Variants in TRPC5 observed in about 807,000 individuals in gnomAD.
TRPC5 encodes short transient receptor potential channel 5.
In TRPC5, 9 loss-of-function variants were observed where a neutral mutation model predicts 56.5. The ratio of observed to expected loss-of-function variants is 0.16; its 90% CI spans 0.10 to 0.28. TRPC5 has a LOEUF of 0.28. Among genes scored for constraint, TRPC5 ranks in the 10% least tolerant of loss-of-function variants. TRPC5 has a pLI of 1.00. For missense variants in TRPC5, 469 were observed against 748.9 expected, an observed-to-expected ratio of 0.63 and a Z score of 4.36; for synonymous variants, 282 against 278.5, an observed-to-expected ratio of 1.01 and a Z score of -0.13.
chrX:111,998,635 G>T (rs1260374500), intron 1 of TRPC5, among the ~76,000 whole-genome samples: 1 of 111,746 alleles, frequency 8.9e-6, no homozygotes, highest in Non-Finnish European at 1.9e-5. Flanking sequence ...AACTGCATGG[G>T]TCCACTTATA....
rs775677231 is a variant in TRPC5 at position 112,066,671 on chromosome X, T to A, written c.-22+15208A>T. 1.3e-4 allele frequency among the ~76,000 whole-genome samples: 15 copies of A among 112,725 alleles called. No individual in the cohort carries two copies. In the South Asian group the frequency reaches 5.2e-3, roughly 39 times the overall value. ...GTTTTCCTCATCTGTAAAATGGGAATTATTATAGTCTTTATCTCAGAGGGC... is the reference window on the plus strand; with the variant it reads ...GTTTTCCTCATCTGTAAAATGGGAAATATTATAGTCTTTATCTCAGAGGGC... On this transcript the variant is annotated intron_variant, in intron 1 of 10. Transcript: ENST00000262839.
intron 7 of TRPC5, among the ~76,000 whole-genome samples, chrX:111,828,110 T>G (rs375369446): frequency 8.9e-6 from 1 of 112,281 alleles, no homozygotes; most frequent in Non-Finnish European, 1.9e-5. Flanking sequence ...GCTCCCTTTC[T>G]TCTCCTGCAC....
intron 7 of TRPC5, among the ~76,000 whole-genome samples, chrX:111,795,299 T>G (rs777385479): frequency 9.0e-6 from 1 of 111,329 alleles, no homozygotes; most frequent in Non-Finnish European, 1.9e-5. Context: ...TATATCAGGT[T>G]GTGGAAGTTA....
chrX:112,037,618 A>T (rs1929781431), intron 1 of TRPC5, among the ~76,000 whole-genome samples: 1 of 111,501 alleles, frequency 9.0e-6, no homozygotes. Flanking sequence ...TCTTGTCTTA[A>T]TTCTGTTTCC....
At chrX:111,800,039 T>C (rs929427541) in intron 7 of TRPC5, among the ~76,000 whole-genome samples, 1 of 111,902 alleles carries the variant, frequency 8.9e-6, no homozygotes, top group African/African-American at 3.3e-5. Context: ...GCATGAAAAC[T>C]GAAGCAAATG....
chrX:112,048,076 TG>T (rs973740973), intron 1 of TRPC5, among the ~76,000 whole-genome samples: 30 of 111,696 alleles, frequency 2.7e-4, no homozygotes, highest in African/African-American at 7.8e-4. Context: ...CAATGCTGTT[TG>T]TAGTTGGGAA....
At chrX:111,941,306 G>C (rs1264989152) in intron 2 of TRPC5, among the ~76,000 whole-genome samples, 1 of 112,099 alleles carries the variant, frequency 8.9e-6, no homozygotes, top group Non-Finnish European at 1.9e-5. Context: ...TTTAACAGTA[G>C]GGAAAGACTT....
intron 7 of TRPC5, among the ~76,000 whole-genome samples, chrX:111,821,852 A>T (rs894736079): frequency 2.7e-5 from 3 of 111,438 alleles, no homozygotes; most frequent in Non-Finnish European, 3.8e-5. Flanking sequence ...GACCAATTTA[A>T]GTAGGAAGGC....
intron 3 of TRPC5, among the ~76,000 whole-genome samples, chrX:111,892,925 T>G (rs1924871833): frequency 8.9e-6 from 1 of 111,839 alleles, no homozygotes; most frequent in Non-Finnish European, 1.9e-5. Flanking sequence ...AGGTGCTAAT[T>G]ATATACCAGA....
chrX:111,882,344 G>A (rs1339060622), intron 3 of TRPC5, among the ~76,000 whole-genome samples: 1 of 112,316 alleles, frequency 8.9e-6, no homozygotes, highest in Non-Finnish European at 1.9e-5. Context: ...GTTGCAGTAT[G>A]GTAAGGTAGG....
chrX:111,969,410 A>G (rs111919237), intron 1 of TRPC5, among the ~76,000 whole-genome samples: 99 of 112,138 alleles, frequency 8.8e-4, no homozygotes, highest in African/African-American at 2.9e-3. Flanking sequence ...TTGTATAAAC[A>G]TTTGACCATC....
intron 3 of TRPC5, among the ~76,000 whole-genome samples, chrX:111,865,936 C>G (rs1233009985): frequency 8.9e-6 from 1 of 112,747 alleles, no homozygotes; most frequent in African/African-American, 3.2e-5. Flanking sequence ...TATAATGTGC[C>G]AGCAACTGTG....
chrX:112,066,970 A>G (rs1227279995), intron 1 of TRPC5, among the ~76,000 whole-genome samples: 1 of 112,015 alleles, frequency 8.9e-6, no homozygotes, highest in Non-Finnish European at 1.9e-5. Context: ...TTTCAGGGTA[A>G]TTATACAGCC....
At chrX:111,984,232 A>G (rs1603130588) in intron 1 of TRPC5, among the ~76,000 whole-genome samples, 1 of 111,683 alleles carries the variant, frequency 9.0e-6, no homozygotes, top group African/African-American at 3.2e-5. Context: ...AAAGGCACCA[A>G]ACAACCTCCG....
chrX:111,826,294 C>T (rs1167086575), intron 7 of TRPC5, among the ~76,000 whole-genome samples: 1 of 112,382 alleles, frequency 8.9e-6, no homozygotes, highest in African/African-American at 3.2e-5. Flanking sequence ...ATACAACTTA[C>T]AGCACCTAGC....
chrX:111,890,561 C>T (rs1274444896), intron 3 of TRPC5, among the ~76,000 whole-genome samples: 1 of 111,347 alleles, frequency 9.0e-6, no homozygotes, highest in African/African-American at 3.3e-5. Context: ...TCCTCCTGTA[C>T]ACCAAGAGAC....
At chrX:111,944,303 T>TGTGTGTGTGAAAGA (rs1173179815) in intron 2 of TRPC5, among the ~76,000 whole-genome samples, 3 of 61,393 alleles carry the variant, frequency 4.9e-5, no homozygotes, top group African/African-American at 3.2e-4. Flanking sequence ...TGTGTGTGTG[T>TGTGTGTGTGAAAGA]GAGAGAGAGA....
chrX:112,032,515 A>G (rs917091894), intron 1 of TRPC5, among the ~76,000 whole-genome samples: 1 of 112,496 alleles, frequency 8.9e-6, no homozygotes, highest in African/African-American at 3.2e-5. Context: ...TTATCCATAC[A>G]TAAATCCATT....
At chrX:111,890,800 A>G (rs867376202) in intron 3 of TRPC5, among the ~76,000 whole-genome samples, 2 of 111,700 alleles carry the variant, frequency 1.8e-5, no homozygotes. Flanking sequence ...TTTGTTTTAC[A>G]GATTATTTTA....
Sources: gnomAD v4.1 joint callset for allele counts (sites outside exome capture counted in the v4.1 genomes callset) on GRCh38, gnomAD v4.1.1 for gene constraint, MANE v1.5 for transcripts, NCBI Gene and HGNC (gene_info 2026-07-23, HGNC 2026-07-21) for gene names.